CADM2: variants seen among roughly 807,000 people sequenced by gnomAD.
The protein encoded by CADM2 is immunoglobulin superfamily member 4D.
In CADM2, 12 loss-of-function variants were observed where a neutral mutation model predicts 49.8. The observed-to-expected ratio is 0.24, with a 90% CI of 0.15 to 0.39. The LOEUF is 0.39. CADM2 is among the 10% of genes least tolerant of loss of function. The pLI, the probability that CADM2 is intolerant of heterozygous loss-of-function variation, is 1.00. For synonymous variants in CADM2, 214 were observed against 175.4 expected, an observed-to-expected ratio of 1.22 and a Z score of -1.74; for missense variants, 378 against 492.3, an observed-to-expected ratio of 0.77 and a Z score of 2.20.
At chr3:85,753,738 T>A (rs1473637079) in intron 2 of CADM2, among the ~76,000 whole-genome samples, 2 of 152,082 alleles carry the variant, frequency 1.3e-5, no homozygotes, top group Non-Finnish European at 2.9e-5. Context: ...TTATGACACC[T>A]GTTCTGATAT....
At chr3:85,901,661 T>C (rs530294665) in intron 5 of CADM2, among the ~76,000 whole-genome samples, 2 of 152,206 alleles carry the variant, frequency 1.3e-5, no homozygotes, top group African/African-American at 2.4e-5. Context: ...TATTTAGATA[T>C]AATTCACATC....
chr3:85,920,516 C>G (rs931365194), intron 6 of CADM2, among the ~76,000 whole-genome samples: 1 of 151,600 alleles, frequency 6.6e-6, no homozygotes, highest in African/African-American at 2.4e-5. Flanking sequence ...TTCATTATGT[C>G]AATAAAGATA....
intron 3 of CADM2, among the ~76,000 whole-genome samples, chr3:85,815,821 T>G (rs2073170033): frequency 1.3e-5 from 2 of 152,166 alleles, no homozygotes; most frequent in Non-Finnish European, 2.9e-5. Flanking sequence ...TGTTTGCAGA[T>G]GACATGATTG....
At chr3:85,446,698 G>A (rs564567485) in intron 1 of CADM2, among the ~76,000 whole-genome samples, 1 of 149,680 alleles carries the variant, frequency 6.7e-6, no homozygotes, top group African/African-American at 2.4e-5. Context: ...CCCATCCCAG[G>A]TTCAAGCGAT....
chr3:85,515,071 T>C (rs752314992), intron 1 of CADM2, among the ~76,000 whole-genome samples: 3 of 152,168 alleles, frequency 2.0e-5, no homozygotes, highest in East Asian at 3.9e-4. Flanking sequence ...ATTTTCTTGG[T>C]AATTAGGCTG....
At chr3:85,941,936 T>TA (rs1240059490) in intron 7 of CADM2, among the ~76,000 whole-genome samples, 3 of 152,102 alleles carry the variant, frequency 2.0e-5, no homozygotes, top group Non-Finnish European at 1.5e-5. Flanking sequence ...TATTACATTG[T>TA]AAAAGGTTTA....
chr3:85,712,155 T>C (rs1189281901), intron 1 of CADM2, among the ~76,000 whole-genome samples: 1 of 152,222 alleles, frequency 6.6e-6, no homozygotes, highest in Non-Finnish European at 1.5e-5. Context: ...TACAGAATAA[T>C]GTTACTACTA....
chr3:85,103,879 T>TAA (rs1292891993), intron 1 of CADM2, among the ~76,000 whole-genome samples: 1 of 152,172 alleles, frequency 6.6e-6, no homozygotes, highest in Non-Finnish European at 1.5e-5. Flanking sequence ...GGATGACATG[T>TAA]AAAGAAATTG....
chr3:85,100,672 G>A (rs75593621), intron 1 of CADM2, among the ~76,000 whole-genome samples: 10,940 of 152,036 alleles, frequency 0.072, 1,284 homozygotes, highest in African/African-American at 0.25. Flanking sequence ...TCTAAAAAAC[G>A]AGGAGACTCA....
intron 2 of CADM2, among the ~76,000 whole-genome samples, chr3:85,757,103 TATAAA>T (rs1447729619): frequency 6.6e-6 from 1 of 152,098 alleles, no homozygotes; most frequent in Non-Finnish European, 1.5e-5. Context: ...TTTATGGCCT[TATAAA>T]ATATTAATAT....
intron 1 of CADM2, among the ~76,000 whole-genome samples, chr3:85,271,623 A>G (rs1431401043): frequency 6.6e-6 from 1 of 151,102 alleles, no homozygotes; most frequent in African/African-American, 2.4e-5. Context: ...CTCTATCTCT[A>G]ATTTGTCAGG....
At chr3:85,688,484 G>A (rs1297811036) in intron 1 of CADM2, among the ~76,000 whole-genome samples, 1 of 151,886 alleles carries the variant, frequency 6.6e-6, no homozygotes. Context: ...TTGAGGCACT[G>A]GAATTCTCAT....
intron 8 of CADM2, among the ~76,000 whole-genome samples, chr3:85,971,755 A>T (rs1282667297): frequency 6.6e-6 from 1 of 151,666 alleles, no homozygotes; most frequent in Non-Finnish European, 1.5e-5. Context: ...TACTTTTGTC[A>T]GTTTGGAATG....
chr3:85,414,216 T>G (rs2035808281), intron 1 of CADM2, among the ~76,000 whole-genome samples: 2 of 152,194 alleles, frequency 1.3e-5, no homozygotes, highest in Admixed American at 1.3e-4. Flanking sequence ...GATCAAACAC[T>G]GTTCTTTACG....
At chr3:85,340,416 T>G (rs1289670686) in intron 1 of CADM2, among the ~76,000 whole-genome samples, 1 of 151,534 alleles carries the variant, frequency 6.6e-6, no homozygotes, top group Non-Finnish European at 1.5e-5. Flanking sequence ...ATAGATTAAG[T>G]GCTAATTCAA....
intron 3 of CADM2, among the ~76,000 whole-genome samples, chr3:85,802,438 C>T (rs1375399575): frequency 6.6e-6 from 1 of 152,082 alleles, no homozygotes; most frequent in Non-Finnish European, 1.5e-5. Flanking sequence ...TTTATGCCTT[C>T]TCTTAACAAC....
At chr3:85,809,738 TC>T (rs2072710640) in intron 3 of CADM2, among the ~76,000 whole-genome samples, 1 of 106,054 alleles carries the variant, frequency 9.4e-6, no homozygotes, top group African/African-American at 3.9e-5. Flanking sequence ...CCTCCCTCCC[TC>T]CCTCCTCTCT....
chr3:86,050,281 C>T (rs1392552280), intron 8 of CADM2, among the ~76,000 whole-genome samples: 2 of 152,316 alleles, frequency 1.3e-5, no homozygotes, highest in East Asian at 3.9e-4. Context: ...ACATCCAGGG[C>T]ACACTGGTTT....
At chr3:85,007,806 T>A (rs2033807703) in intron 1 of CADM2, among the ~76,000 whole-genome samples, 1 of 152,178 alleles carries the variant, frequency 6.6e-6, no homozygotes, top group Non-Finnish European at 1.5e-5. Flanking sequence ...ATTTGGTAAT[T>A]ATTGAGTAGC....
Sources: gnomAD v4.1 joint callset for allele counts (sites outside exome capture counted in the v4.1 genomes callset) on GRCh38, gnomAD v4.1.1 for gene constraint, MANE v1.5 for transcripts, NCBI Gene and HGNC (gene_info 2026-07-23, HGNC 2026-07-21) for gene names.